ATG10: variants seen among roughly 807,000 people sequenced by gnomAD.
The protein encoded by ATG10 is autophagy related 10, also known as ubiquitin-like-conjugating enzyme ATG10.
Under a neutral mutation model 32.1 loss-of-function variants are expected in ATG10, and 30 were observed. The observed-to-expected ratio is 0.94, with a 90% CI of 0.70 to 1.27. ATG10 has a LOEUF of 1.27. Ranked by LOEUF, ATG10 falls within the 50% of genes most tolerant of loss-of-function variation. The pLI is 0.00. For synonymous variants in ATG10, 87 were observed against 91.5 expected, an observed-to-expected ratio of 0.95 and a Z score of 0.28; for missense variants, 233 against 262.3, an observed-to-expected ratio of 0.89 and a Z score of 0.77.
intron 1 of ATG10, among the ~76,000 whole-genome samples, chr5:81,980,377 T>C (rs1042159831): frequency 6.6e-6 from 1 of 152,208 alleles, no homozygotes; most frequent in African/African-American, 2.4e-5. Flanking sequence ...TTGTTATTAA[T>C]GTTTTTGGTT....
chr5:82,236,159 A>G (rs1746543519), intron 5 of ATG10, among the ~76,000 whole-genome samples: 1 of 152,016 alleles, frequency 6.6e-6, no homozygotes, highest in Non-Finnish European at 1.5e-5. Context: ...TGGGTTGTTC[A>G]GTCTTATCAT....
chr5:82,176,854 G>T (rs557494477), intron 4 of ATG10, among the ~76,000 whole-genome samples: 1 of 152,226 alleles, frequency 6.6e-6, no homozygotes, highest in South Asian at 2.1e-4. Flanking sequence ...CCTGCCGCTA[G>T]ATAAATGCCA....
intron 3 of ATG10, among the ~76,000 whole-genome samples, chr5:82,082,305 A>G (rs1764512807): frequency 6.6e-6 from 1 of 152,216 alleles, no homozygotes; most frequent in Non-Finnish European, 1.5e-5. Flanking sequence ...ATTTATAACA[A>G]TTCATATATT....
intron 5 of ATG10, among the ~76,000 whole-genome samples, chr5:82,198,760 G>A (rs570256854): frequency 6.6e-6 from 1 of 152,194 alleles, no homozygotes; most frequent in African/African-American, 2.4e-5. Flanking sequence ...TGGGGGACTT[G>A]CCTGAAACTA....
At chr5:82,073,832 G>A (rs972707966) in intron 3 of ATG10, 4 of 152,190 alleles carry the variant, frequency 2.6e-5, no homozygotes, top group African/African-American at 9.7e-5. Context: ...AAATAAGATG[G>A]TGGGAGCCAA....
intron 3 of ATG10, among the ~76,000 whole-genome samples, chr5:82,118,387 C>CATCTATATATATATATATATATATAT (rs1765904169): frequency 1.2e-5 from 1 of 80,734 alleles, no homozygotes; most frequent in Non-Finnish European, 2.5e-5. Flanking sequence ...AATATATGTA[C>CATCTATATATATATATATATATATAT]ATATATATAT....
chr5:82,250,183 A>AT (rs1301267798), intron 5 of ATG10, among the ~76,000 whole-genome samples: 2 of 152,100 alleles, frequency 1.3e-5, no homozygotes, highest in Non-Finnish European at 2.9e-5. Context: ...ATAATTCTAA[A>AT]TTTTTTTGCA....
chr5:82,110,550 GTGA>G (rs1765585590), intron 3 of ATG10, among the ~76,000 whole-genome samples: 1 of 152,146 alleles, frequency 6.6e-6, no homozygotes, highest in African/African-American at 2.4e-5. Flanking sequence ...CTGATGACCA[GTGA>G]TGATGAGCAT....
intron 3 of ATG10, among the ~76,000 whole-genome samples, chr5:82,116,137 A>G (rs1765802852): frequency 6.6e-6 from 1 of 152,080 alleles, no homozygotes; most frequent in Non-Finnish European, 1.5e-5. Flanking sequence ...TAATTGTAAT[A>G]ATATAGAATT....
chr5:82,096,837 T>G (rs1765081845), intron 3 of ATG10, among the ~76,000 whole-genome samples: 2 of 152,206 alleles, frequency 1.3e-5, no homozygotes, highest in African/African-American at 4.8e-5. Context: ...CTCTGCCACC[T>G]CTCCACTGCC....
chr5:82,206,943 G>A (rs1745323117), intron 5 of ATG10, among the ~76,000 whole-genome samples: 1 of 152,058 alleles, frequency 6.6e-6, no homozygotes, highest in Admixed American at 6.6e-5. Flanking sequence ...GTGTTTGTGA[G>A]AATCATCCAT....
intron 1 of ATG10, among the ~76,000 whole-genome samples, chr5:81,984,830 C>CA (rs1161063270): frequency 6.6e-6 from 1 of 151,866 alleles, no homozygotes; most frequent in East Asian, 1.9e-4. Flanking sequence ...CTTGCTTGAT[C>CA]AAAAAAACAA....
chr5:81,972,064 A>G lies in ATG10; in HGVS notation c.-255A>G, dbSNP rs1760736170. 6.6e-6 allele frequency: 1 copy of G among 151,768 alleles called. No homozygotes were observed. Among genetic ancestry groups the G allele is most frequent in the Admixed American group, 6.6e-5 (1 of 15,250 alleles). 9.4% of individuals were successfully genotyped at this position (151,768 alleles called of 1,614,324 possible). ...GACTCGGCCGTGGCGGACCTGACTG[A>G]AGGAGGCCGCGGACCTGACTGAAGG... On this transcript the variant is annotated 5_prime_UTR_variant, in exon 1 of 8. Coordinates refer to ENST00000282185, the MANE Select transcript of ATG10 (RefSeq NM_031482.5).
chr5:82,072,735 C>T lies in ATG10; in HGVS notation c.216+14133C>T, dbSNP rs537581421. 2.3e-4 allele frequency among the ~76,000 whole-genome samples: 35 copies of T among 152,216 alleles called. No homozygotes were observed. The South Asian group carries it at 6.8e-3, about 30-fold the overall frequency. On this transcript the variant is annotated intron_variant, in intron 3 of 7. Coordinates refer to ENST00000282185, the MANE Select transcript of ATG10 (RefSeq NM_031482.5). ...ACACAAGATCTTTTTAAATAAAAGT[C>T]GATCCACCTTCCATACTGGAACTTT...
At chr5:82,184,352 C>G (rs1744364100) in intron 5 of ATG10, among the ~76,000 whole-genome samples, 1 of 152,078 alleles carries the variant, frequency 6.6e-6, no homozygotes, top group South Asian at 2.1e-4. Context: ...TTATTGTAAT[C>G]ATAATCATTA....
At chr5:82,022,082 G>A (rs1464453761) in intron 2 of ATG10, among the ~76,000 whole-genome samples, 8 of 149,244 alleles carry the variant, frequency 5.4e-5, no homozygotes, top group East Asian at 2.0e-4. Context: ...CCAGCTGCTC[G>A]GGAGGCTGAG....
At chr5:82,166,280 T>A (rs2149903003) in intron 4 of ATG10, among the ~76,000 whole-genome samples, 1 of 152,336 alleles carries the variant, frequency 6.6e-6, no homozygotes, top group South Asian at 2.1e-4. Flanking sequence ...CATTTATGCC[T>A]TATAAAGGTA....
intron 3 of ATG10, among the ~76,000 whole-genome samples, chr5:82,118,443 G>C (rs1037743437): frequency 8.5e-5 from 9 of 105,636 alleles, no homozygotes; most frequent in African/African-American, 3.2e-4. Flanking sequence ...CCAGTGTCTG[G>C]CTATATTAAT....
At chr5:82,001,762 T>C (rs1761854559) in intron 2 of ATG10, among the ~76,000 whole-genome samples, 1 of 152,144 alleles carries the variant, frequency 6.6e-6, no homozygotes, top group Non-Finnish European at 1.5e-5. Context: ...CAAAAGCAAT[T>C]GCAACAAAAA....
Sources: allele counts gnomAD v4.1 joint callset (sites outside exome capture counted in the v4.1 genomes callset), GRCh38; gene constraint gnomAD v4.1.1; transcripts MANE v1.5; gene names NCBI Gene and HGNC (gene_info 2026-07-23, HGNC 2026-07-21).